The following ANK3 variants were observed in gnomAD, a reference collection of about 807,000 sequenced individuals.
The protein encoded by ANK3 is ankyrin 3.
In ANK3, 57 loss-of-function variants were observed where a neutral mutation model predicts 370.9. The observed-to-expected ratio is 0.15, with a 90% CI of 0.12 to 0.19. The LOEUF is 0.19. Ranked by LOEUF, ANK3 falls within the 10% of genes least tolerant of loss-of-function variation. ANK3 has a pLI of 1.00. For missense variants in ANK3, 4,439 were observed against 5,302.1 expected (o/e 0.84, Z 5.06); for synonymous variants, 1,929 against 1,946.3 (o/e 0.99, Z 0.23).
chr10:60,389,037 AAG>A (rs2062821527), intron 1 of ANK3, among the ~76,000 whole-genome samples: 1 of 152,122 alleles, frequency 6.6e-6, no homozygotes, highest in Non-Finnish European at 1.5e-5. Flanking sequence ...ACAAACCTCT[AAG>A]AAGTACAAAG....
chr10:60,085,087 C>T (rs777329693), intron 31 of ANK3, 70 bp downstream of exon 31: 5 of 1,312,098 alleles, frequency 3.8e-6, no homozygotes, highest in Non-Finnish European at 5.3e-6. Context: ...TTGAACACAA[C>T]AATTTTTACT....
intron 23 of ANK3, among the ~76,000 whole-genome samples, chr10:60,142,892 G>A (rs2094628986): frequency 6.6e-6 from 1 of 152,124 alleles, no homozygotes; most frequent in Non-Finnish European, 1.5e-5. Context: ...GCTGTACCAT[G>A]TATTGACTGG....
chr10:60,370,967 A>C (rs1404590657), intron 1 of ANK3, among the ~76,000 whole-genome samples: 1 of 152,180 alleles, frequency 6.6e-6, no homozygotes, highest in East Asian at 1.9e-4. Context: ...TGTGCATTCC[A>C]TTCTCAATAC....
At chr10:60,622,017 C>T (rs964566050) in intron 1 of ANK3, among the ~76,000 whole-genome samples, 15 of 152,032 alleles carry the variant, frequency 9.9e-5, no homozygotes, top group Non-Finnish European at 1.6e-4. Flanking sequence ...TGAAATATTG[C>T]CTGTTTCCTC....
At chr10:60,281,828 ATTAC>A (rs1351795030) in intron 1 of ANK3, among the ~76,000 whole-genome samples, 1 of 152,202 alleles carries the variant, frequency 6.6e-6, no homozygotes, top group Non-Finnish European at 1.5e-5. Flanking sequence ...ACACACAGCT[ATTAC>A]TTAAAATAAC....
At chr10:60,489,696 TAC>T (rs546413826) in intron 2 of ANK3, among the ~76,000 whole-genome samples, 3 of 152,218 alleles carry the variant, frequency 2.0e-5, no homozygotes, top group Non-Finnish European at 4.4e-5. Flanking sequence ...TATATATTTT[TAC>T]AGTCATATTT....
chr10:60,169,366 T>TTG (rs554286139), intron 21 of ANK3, among the ~76,000 whole-genome samples: 55,923 of 105,946 alleles, frequency 0.53, 13,027 homozygotes, highest in East Asian at 0.74. Flanking sequence ...GTCTCATAGT[T>TTG]TTTTTTTTTT....
chr10:60,083,395 T>G, intron 33 of ANK3, 97 bp downstream of exon 33: 6 of 1,273,898 alleles, frequency 4.7e-6, no homozygotes. Flanking sequence ...TTTGACGGGG[T>G]ATTTCAAATT....
At chr10:60,386,641 T>C (rs939925139) in intron 1 of ANK3, among the ~76,000 whole-genome samples, 5 of 151,996 alleles carry the variant, frequency 3.3e-5, no homozygotes, top group African/African-American at 1.2e-4. Flanking sequence ...GAAATGTGAA[T>C]CCAATGTTAA....
At chr10:60,062,017 G>C (rs1404979908) in intron 40 of ANK3, 1 of 152,168 alleles carries the variant, frequency 6.6e-6, no homozygotes, top group Non-Finnish European at 1.5e-5. Context: ...TGTAATTCCA[G>C]CACTTTGGGA....
At chr10:60,521,007 C>T (rs1421168020) in intron 2 of ANK3, among the ~76,000 whole-genome samples, 1 of 151,782 alleles carries the variant, frequency 6.6e-6, no homozygotes, top group Non-Finnish European at 1.5e-5. Context: ...AGCAGCCAAC[C>T]AGCCATTATA....
At chr10:60,277,519 T>G in intron 4 of ANK3, among the ~76,000 whole-genome samples, 1 of 152,308 alleles carries the variant, frequency 6.6e-6, no homozygotes, top group East Asian at 1.9e-4. Context: ...TTTCATAGCA[T>G]AAGCAAAAAA....
chr10:60,686,990 C>A (rs1278919904), intron 1 of ANK3, among the ~76,000 whole-genome samples: 1 of 152,184 alleles, frequency 6.6e-6, no homozygotes, highest in Non-Finnish European at 1.5e-5. Context: ...TTTAGATACA[C>A]AAATACATCC....
intron 2 of ANK3, among the ~76,000 whole-genome samples, chr10:60,504,200 G>A (rs2075874317): frequency 6.6e-6 from 1 of 152,092 alleles, no homozygotes; most frequent in African/African-American, 2.4e-5. Context: ...AACCTTGATG[G>A]ACATCAAAGC....
At chr10:60,201,374 C>G (rs1036879828) in intron 12 of ANK3, among the ~76,000 whole-genome samples, 8 of 152,148 alleles carry the variant, frequency 5.3e-5, no homozygotes, top group African/African-American at 1.9e-4. Context: ...CCTAGCTTGC[C>G]CCTTCTGTGC....
At chr10:60,622,944 C>G (rs1020492211) in intron 1 of ANK3, among the ~76,000 whole-genome samples, 1 of 152,170 alleles carries the variant, frequency 6.6e-6, no homozygotes, top group Non-Finnish European at 1.5e-5. Flanking sequence ...CAAGTGAATT[C>G]AGTTATTTAA....
chr10:60,460,504 T>C (rs954178509), intron 2 of ANK3, among the ~76,000 whole-genome samples: 5 of 152,174 alleles, frequency 3.3e-5, no homozygotes, highest in African/African-American at 1.2e-4. Flanking sequence ...CAAATTAGAC[T>C]GGCTGGTGTT....
At chr10:60,432,003 C>T (rs2064037099) in intron 2 of ANK3, among the ~76,000 whole-genome samples, 1 of 152,102 alleles carries the variant, frequency 6.6e-6, no homozygotes, top group Non-Finnish European at 1.5e-5. Flanking sequence ...AATCAGAATT[C>T]CAAACATTCA....
intron 1 of ANK3, among the ~76,000 whole-genome samples, chr10:60,701,446 G>GA (rs1030032165): frequency 3.3e-5 from 5 of 151,084 alleles, no homozygotes; most frequent in East Asian, 1.9e-4. Flanking sequence ...GGGGAAAAAA[G>GA]AAAAAAAATG....
Sources: allele counts gnomAD v4.1 joint callset (sites outside exome capture counted in the v4.1 genomes callset), GRCh38; gene constraint gnomAD v4.1.1; transcripts MANE v1.5; gene names NCBI Gene and HGNC (gene_info 2026-07-23, HGNC 2026-07-21).